The following PARD3B variants were observed in gnomAD, a reference collection of about 807,000 sequenced individuals.
The protein encoded by PARD3B is partitioning defective 3 homolog B.
PARD3B carries 103 observed loss-of-function variants against 130.2 expected under a neutral mutation model. That is an observed-to-expected ratio of 0.79 (90% confidence interval 0.67 to 0.93). The LOEUF is 0.93. Among genes scored for constraint, PARD3B ranks in the 40% least tolerant of loss-of-function variants. The probability of loss-of-function intolerance (pLI) is 0.00; values close to 1 mark genes in which losing one functional copy is unlikely to be tolerated. For missense variants in PARD3B, 1,609 were observed against 1,499.2 expected, an observed-to-expected ratio of 1.07 and a Z score of -1.21; for synonymous variants, 583 against 553.2, an observed-to-expected ratio of 1.05 and a Z score of -0.76.
intron 18 of PARD3B, among the ~76,000 whole-genome samples, chr2:205,310,277 C>T (rs1362005126): frequency 5.3e-5 from 8 of 151,644 alleles, no homozygotes; most frequent in African/African-American, 1.5e-4. Flanking sequence ...TTAATAGAGA[C>T]GGGGTTTCAC....
intron 2 of PARD3B, among the ~76,000 whole-genome samples, chr2:204,918,037 A>G (rs889759148): frequency 2.0e-5 from 3 of 152,222 alleles, no homozygotes; most frequent in African/African-American, 4.8e-5. Flanking sequence ...GCTTTAGAGT[A>G]CTTTGTAGCC....
chr2:205,179,899 C>T (rs1203231228), intron 13 of PARD3B, among the ~76,000 whole-genome samples: 1 of 151,804 alleles, frequency 6.6e-6, no homozygotes, highest in Non-Finnish European at 1.5e-5. Context: ...AAATACAATA[C>T]AATAATCATT....
At chr2:205,574,832 G>T (rs1339933986) in intron 22 of PARD3B, among the ~76,000 whole-genome samples, 2 of 143,186 alleles carry the variant, frequency 1.4e-5, no homozygotes, top group Non-Finnish European at 3.0e-5. Flanking sequence ...TATAGAAGCT[G>T]CAATGGGGAA....
Position 204,923,040 on chromosome 2 carries a change from C to T in PARD3B, c.223-42112C>T, listed in dbSNP as rs149562193. 7.9e-4 allele frequency among the ~76,000 whole-genome samples: 120 copies of T among 152,202 alleles called. 1 individual carries two copies. In the East Asian group the frequency reaches 0.022, roughly 28 times the overall value. On this transcript the variant is annotated intron_variant, in intron 2 of 22. Coordinates refer to ENST00000406610, the MANE Select transcript of PARD3B (RefSeq NM_001302769.2). ...TGAGAAGTGGCCTATGTCTGTCTGCCTCTTAGCTACCTCTGACTGCTTTGT... is the reference window on the plus strand; with the variant it reads ...TGAGAAGTGGCCTATGTCTGTCTGCTTCTTAGCTACCTCTGACTGCTTTGT...
intron 15 of PARD3B, among the ~76,000 whole-genome samples, chr2:205,237,300 C>T (rs1219172990): frequency 6.6e-6 from 1 of 152,100 alleles, no homozygotes; most frequent in African/African-American, 2.4e-5. Context: ...CGGGGTTTCA[C>T]CATGTTGACC....
chr2:205,098,950 G>A (rs932582412), intron 4 of PARD3B, among the ~76,000 whole-genome samples: 1 of 152,032 alleles, frequency 6.6e-6, no homozygotes, highest in South Asian at 2.1e-4. Context: ...AAAAACGTTC[G>A]CTTTAAAAAA....
At position 204,678,412 on chromosome 2, in the gene PARD3B, G is replaced by C. The variant is rs1034411840; in HGVS notation, c.121-7769G>C. On this transcript the variant is annotated intron_variant, in intron 1 of 22. Transcript: ENST00000406610. This position sits in a 1 kb window ranked among gnomAD's most constrained non-coding sequence, Gnocchi z 4.2. Reference sequence around the variant, plus strand: ...TATACCCTGCCCTCTTGGTACCCGGGTTCTTGTCTGGCATCCAGGAAGAAT... The same window carrying C: ...TATACCCTGCCCTCTTGGTACCCGGCTTCTTGTCTGGCATCCAGGAAGAAT... Among the ~76,000 whole-genome samples, 1 of 152,122 alleles carries C rather than the reference G, an allele frequency of 6.6e-6. No homozygotes were observed. The highest frequency in any genetic ancestry group is 6.5e-5 in the Admixed American group (1 of 15,268).
chr2:205,408,052 C>T (rs751368888), intron 19 of PARD3B, among the ~76,000 whole-genome samples: 24 of 152,228 alleles, frequency 1.6e-4, no homozygotes, highest in African/African-American at 4.3e-4. Flanking sequence ...CTAGCCTGAA[C>T]GGAATGTCTA....
chr2:205,036,625 C>T (rs971609287), intron 3 of PARD3B, among the ~76,000 whole-genome samples: 5 of 146,748 alleles, frequency 3.4e-5, no homozygotes, highest in South Asian at 4.3e-4. Context: ...ATATACACAG[C>T]GGACTGTATG....
In PARD3B at chr2:204,729,995, ACAAAC is replaced by A. The variant is rs1390129128; in HGVS notation, c.222+43714_222+43718del. 1.8e-3 allele frequency among the ~76,000 whole-genome samples: 225 copies of A among 125,596 alleles called. 1 individual carries two copies. The highest frequency in any genetic ancestry group is 7.4e-3 in the African/African-American group (219 of 29,666). 82.4% of individuals were successfully genotyped at this position (125,596 alleles called of 152,430 possible). ...TTTCTAGTTACAGATACACACACAC[ACAAAC>A]ACACACACACACACACACACACACA... On this transcript the variant is annotated intron_variant, in intron 2 of 22. Transcript: ENST00000406610.
chr2:204,812,877 G>A (rs868146698), intron 2 of PARD3B, among the ~76,000 whole-genome samples: 1 of 152,018 alleles, frequency 6.6e-6, no homozygotes, highest in Admixed American at 6.6e-5. Context: ...TGACCATCCC[G>A]TGATGGTCAC....
intron 2 of PARD3B, among the ~76,000 whole-genome samples, chr2:204,807,190 T>G (rs1293747464): frequency 6.6e-6 from 1 of 152,148 alleles, no homozygotes; most frequent in African/African-American, 2.4e-5. Flanking sequence ...ACCAGATCCC[T>G]CCTGTGACAT....
chr2:205,056,710 T>G (rs1361374914), intron 4 of PARD3B, among the ~76,000 whole-genome samples: 1 of 152,030 alleles, frequency 6.6e-6, no homozygotes, highest in East Asian at 1.9e-4. Flanking sequence ...CTCTACGTTT[T>G]AAGCAAAGAA....
chr2:205,457,271 ATTG>A (rs2048308727), intron 20 of PARD3B, among the ~76,000 whole-genome samples: 1 of 151,916 alleles, frequency 6.6e-6, no homozygotes, highest in African/African-American at 2.4e-5. Context: ...TGTGTGTAGA[ATTG>A]TTTGTTGTAT....
chr2:205,157,110 T>C (rs1000269266), intron 10 of PARD3B, among the ~76,000 whole-genome samples: 1 of 152,202 alleles, frequency 6.6e-6, no homozygotes, highest in African/African-American at 2.4e-5. Flanking sequence ...TAGGATGGTT[T>C]TTCTTTAATT....
At chr2:205,518,639 T>G (rs73060108) in intron 21 of PARD3B, among the ~76,000 whole-genome samples, 5,881 of 152,298 alleles carry the variant, frequency 0.039, 199 homozygotes, top group South Asian at 0.13. Flanking sequence ...AGCTGGTTAT[T>G]ATGTTGGCTT....
chr2:204,740,240 G>A (rs747394444), intron 2 of PARD3B, among the ~76,000 whole-genome samples: 102 of 151,460 alleles, frequency 6.7e-4, no homozygotes, highest in Non-Finnish European at 1.1e-3. Context: ...CAGGCTGATC[G>A]CGATCTCCTG....
chr2:205,049,270 C>T (rs954871286), intron 4 of PARD3B, among the ~76,000 whole-genome samples: 3 of 152,108 alleles, frequency 2.0e-5, no homozygotes, highest in Admixed American at 1.3e-4. Flanking sequence ...GGTGAGGCTT[C>T]TGGAAACTTA....
chr2:204,551,035 G>A (rs1250155682), intron 1 of PARD3B, among the ~76,000 whole-genome samples: 1 of 152,160 alleles, frequency 6.6e-6, no homozygotes, highest in Non-Finnish European at 1.5e-5. Flanking sequence ...CTTCTTTACA[G>A]CATGTGGACA....
Sources: allele counts gnomAD v4.1 joint callset (sites outside exome capture counted in the v4.1 genomes callset), GRCh38; gene constraint gnomAD v4.1.1; non-coding constraint Gnocchi (gnomAD v3.1); transcripts MANE v1.5; gene names NCBI Gene and HGNC (gene_info 2026-07-23, HGNC 2026-07-21).